RAB31: variants seen among roughly 807,000 people sequenced by gnomAD.
RAB31 encodes ras-related protein Rab-31.
In RAB31, 21 loss-of-function variants were observed where a neutral mutation model predicts 25.6. That is an observed-to-expected ratio of 0.82 (90% confidence interval 0.58 to 1.18). The LOEUF is 1.18. RAB31 is among the 50% of genes most tolerant of loss of function. The pLI is 0.00. For missense variants in RAB31, 196 were observed against 250.1 expected, an observed-to-expected ratio of 0.78 and a Z score of 1.46; for synonymous variants, 87 against 84.0, an observed-to-expected ratio of 1.04 and a Z score of -0.20.
In RAB31 at chr18:9,720,498, A is replaced by G. The variant is rs544535697; in HGVS notation, c.39+12054A>G. ...GAGAGCGTGTGGTGTCTGCTAATGA[A>G]CCAGAAGAAGGGCTGATGTCAGGTG... On this transcript the variant is annotated intron_variant, in intron 1 of 6. Coordinates refer to ENST00000578921, the MANE Select transcript of RAB31 (RefSeq NM_006868.4). Among the ~76,000 whole-genome samples the G allele has an allele frequency of 2.5e-3, 383 of 151,954 alleles. 2 individuals are homozygous for G. The highest frequency in any genetic ancestry group is 8.8e-3 in the African/African-American group (363 of 41,444).
At chr18:9,754,711 A>T (rs1770297854) in intron 1 of RAB31, among the ~76,000 whole-genome samples, 1 of 152,226 alleles carries the variant, frequency 6.6e-6, no homozygotes, top group Admixed American at 6.5e-5. Flanking sequence ...CATGGGTTAT[A>T]TGCAAATACT....
At chr18:9,713,868 A>C (rs996018814) in intron 1 of RAB31, among the ~76,000 whole-genome samples, 1 of 152,162 alleles carries the variant, frequency 6.6e-6, no homozygotes, top group African/African-American at 2.4e-5. Flanking sequence ...ACTTCACATG[A>C]CTGAGAGAGT....
At chr18:9,850,991 T>A (rs919975685) in intron 6 of RAB31, among the ~76,000 whole-genome samples, 5 of 152,236 alleles carry the variant, frequency 3.3e-5, no homozygotes, top group African/African-American at 1.2e-4. Flanking sequence ...GTAGTGATCA[T>A]GTCTTGTTCT....
At chr18:9,809,950 G>A (rs1440980382) in intron 3 of RAB31, among the ~76,000 whole-genome samples, 2 of 152,198 alleles carry the variant, frequency 1.3e-5, no homozygotes, top group Non-Finnish European at 2.9e-5. Context: ...CTGAGCAGCC[G>A]GAGAAGCTCC....
intron 4 of RAB31, 81 bp downstream of exon 4, chr18:9,814,172 C>T (rs1015468758): frequency 9.7e-7 from 1 of 1,030,470 alleles, no homozygotes. Flanking sequence ...GACGTCACTG[C>T]TTGCATCTTG....
chr18:9,731,931 C>A (rs539621246), intron 1 of RAB31, among the ~76,000 whole-genome samples: 1 of 152,312 alleles, frequency 6.6e-6, no homozygotes, highest in East Asian at 1.9e-4. Flanking sequence ...AAGCTCCTCA[C>A]CCAAACAGAT....
chr18:9,772,097 T>C (rs1401026482), intron 1 of RAB31, among the ~76,000 whole-genome samples: 1 of 152,194 alleles, frequency 6.6e-6, no homozygotes, highest in African/African-American at 2.4e-5. Context: ...AAGGGCGTTT[T>C]GGGGCTGGCC....
At chr18:9,774,382 ATGT>A (rs1352982615) in intron 1 of RAB31, among the ~76,000 whole-genome samples, 1 of 152,098 alleles carries the variant, frequency 6.6e-6, no homozygotes, top group African/African-American at 2.4e-5. Flanking sequence ...CTCCAAGGGT[ATGT>A]TGTTGTGTGG....
At chr18:9,831,752 T>C (rs1478941130) in intron 5 of RAB31, among the ~76,000 whole-genome samples, 1 of 152,202 alleles carries the variant, frequency 6.6e-6, no homozygotes, top group Non-Finnish European at 1.5e-5. Flanking sequence ...ATAAGTAATG[T>C]CACTTTCTAC....
chr18:9,716,420 GAC>G (rs2068044801), intron 1 of RAB31, among the ~76,000 whole-genome samples: 1 of 152,178 alleles, frequency 6.6e-6, no homozygotes, highest in Non-Finnish European at 1.5e-5. Context: ...TGGTGTGTCT[GAC>G]ACAGAACTTT....
chr18:9,778,011 C>A (rs2068382136), intron 2 of RAB31, among the ~76,000 whole-genome samples: 1 of 152,022 alleles, frequency 6.6e-6, no homozygotes, highest in Admixed American at 6.6e-5. Flanking sequence ...CCTCAGCCTC[C>A]CAAAGTGCTG....
chr18:9,780,876 A>G (rs1012101822), intron 2 of RAB31, among the ~76,000 whole-genome samples: 1 of 152,228 alleles, frequency 6.6e-6, no homozygotes, highest in Non-Finnish European at 1.5e-5. Context: ...GGTTGCAGTG[A>G]GACGAGATTG....
At chr18:9,719,589 C>CT (rs1357035283) in intron 1 of RAB31, among the ~76,000 whole-genome samples, 6 of 151,358 alleles carry the variant, frequency 4.0e-5, no homozygotes, top group Admixed American at 1.3e-4. Context: ...CATTTAACTT[C>CT]TTTTTTTTCT....
chr18:9,824,435 AGTGTGTGTGTAGAT>A (rs1006489337), intron 5 of RAB31, among the ~76,000 whole-genome samples: 2 of 141,844 alleles, frequency 1.4e-5, no homozygotes, highest in Non-Finnish European at 3.1e-5. Context: ...TGTGTGTATG[AGTGTGTGTGTAGAT>A]GTGTGTGTGT....
intron 1 of RAB31, among the ~76,000 whole-genome samples, chr18:9,730,696 T>G (rs2068118556): frequency 6.6e-6 from 1 of 152,208 alleles, no homozygotes; most frequent in Non-Finnish European, 1.5e-5. Context: ...TAATGCAAAG[T>G]GTGTGAAGTG....
rs1252510872 is a variant in RAB31, at chr18:9,727,180, G to A, written c.39+18736G>A. Among the ~76,000 whole-genome samples, 4 of 152,196 alleles carry A rather than the reference G, an allele frequency of 2.6e-5. 1 individual carries two copies. Among genetic ancestry groups the A allele is most frequent in the Admixed American group, 2.6e-4 (4 of 15,276 alleles). ...GGCCCTTTGGCTTCTTCCAGCTGTA[G>A]CCATGTGGGCCCGTATGCCCTGGTG... On this transcript the variant is annotated intron_variant, in intron 1 of 6. Transcript: ENST00000578921.
Position 9,725,044 on chromosome 18 carries a change from C to G in RAB31, c.39+16600C>G, listed in dbSNP as rs965520093. On this transcript the variant is annotated intron_variant, in intron 1 of 6. Transcript: ENST00000578921. ...AAGCAACTCTCTCCAAGTGGCCCCTCTACCTGGGTAGCTTGGGCTTCCTCA... is the reference window on the plus strand; with the variant it reads ...AAGCAACTCTCTCCAAGTGGCCCCTGTACCTGGGTAGCTTGGGCTTCCTCA... Among the ~76,000 whole-genome samples, 4 of 152,292 alleles carry G rather than the reference C, an allele frequency of 2.6e-5. No individual in the cohort carries two copies. The East Asian group carries it at 7.7e-4, about 29-fold the overall frequency.
At chr18:9,811,543 C>T (rs1028591817) in intron 3 of RAB31, among the ~76,000 whole-genome samples, 1 of 152,224 alleles carries the variant, frequency 6.6e-6, no homozygotes, top group African/African-American at 2.4e-5. Context: ...TCTCTCCCCA[C>T]TGCCCAATAA....
rs1014530234 is a variant in RAB31, at chr18:9,808,229, A to G, written c.202-5791A>G. 4.3e-4 allele frequency among the ~76,000 whole-genome samples: 65 copies of G among 152,292 alleles called. 1 individual carries two copies. The highest frequency in any genetic ancestry group is 5.8e-4 in the East Asian group (3 of 5,182). ...ATTCAAAGAAAAATGAAAGAAAGGGAAAAAAAGAAAAAGACACCCCCTGTC... is the reference window on the plus strand; with the variant it reads ...ATTCAAAGAAAAATGAAAGAAAGGGGAAAAAAGAAAAAGACACCCCCTGTC... On this transcript the variant is annotated intron_variant, in intron 3 of 6. Transcript: ENST00000578921.
Sources: gnomAD v4.1 joint callset for allele counts (sites outside exome capture counted in the v4.1 genomes callset) on GRCh38, gnomAD v4.1.1 for gene constraint, MANE v1.5 for transcripts, NCBI Gene and HGNC (gene_info 2026-07-23, HGNC 2026-07-21) for gene names.